EIF2S2: variants seen among roughly 807,000 people sequenced by gnomAD.
EIF2S2 encodes the protein eukaryotic translation initiation factor 2 subunit 2.
Under a neutral mutation model 44.0 loss-of-function variants are expected in EIF2S2, and 4 were observed. The ratio of observed to expected loss-of-function variants is 0.09; its 90% CI spans 0.04 to 0.21. The LOEUF (loss-of-function observed/expected upper bound fraction) is 0.21. EIF2S2 is among the 10% of genes least tolerant of loss of function. The probability of loss-of-function intolerance (pLI) is 1.00; values close to 1 mark genes in which losing one functional copy is unlikely to be tolerated. For missense variants in EIF2S2, 154 were observed against 392.0 expected, an observed-to-expected ratio of 0.39 and a Z score of 5.13; for synonymous variants, 108 against 128.3, an observed-to-expected ratio of 0.84 and a Z score of 1.07.
At chr20:34,093,758 C>A (rs1043304947) in intron 6 of EIF2S2, 27 bp from the exon 7 acceptor site, 1 of 1,565,344 alleles carries the variant, frequency 6.4e-7, no homozygotes, top group Non-Finnish European at 8.7e-7. Context: ...AATATATAAA[C>A]CTTATCTCTC....
intron 1 of EIF2S2, among the ~76,000 whole-genome samples, chr20:34,109,440 CTGTT>C (rs1478053036): frequency 1.3e-5 from 2 of 151,764 alleles, no homozygotes; most frequent in Admixed American, 6.6e-5. Context: ...GGCAGGAAGA[CTGTT>C]TGAGGCCAGG....
chr20:34,107,422 C>T (rs2034361888), intron 1 of EIF2S2, among the ~76,000 whole-genome samples: 1 of 152,152 alleles, frequency 6.6e-6, no homozygotes, highest in South Asian at 2.1e-4. Context: ...TGTTATTCCA[C>T]GGCTCATGTG....
chr20:34,107,283 T>G (rs1342513695), intron 1 of EIF2S2, among the ~76,000 whole-genome samples: 10 of 152,218 alleles, frequency 6.6e-5, no homozygotes. Flanking sequence ...CATATTCTAT[T>G]AATACCATGC....
chr20:34,102,697 G>A (rs568930734), intron 3 of EIF2S2, among the ~76,000 whole-genome samples: 62 of 152,276 alleles, frequency 4.1e-4, no homozygotes, highest in African/African-American at 1.3e-3. Flanking sequence ...GTGTGTGTGC[G>A]CGCTCTATGT....
chr20:34,107,171 C>T (rs2034359401), intron 1 of EIF2S2, among the ~76,000 whole-genome samples: 1 of 151,158 alleles, frequency 6.6e-6, no homozygotes, highest in African/African-American at 2.4e-5. Flanking sequence ...GAGCAAGACT[C>T]GGTCTCGAAA....
At chr20:34,097,832 T>C (rs2034248033) in intron 4 of EIF2S2, among the ~76,000 whole-genome samples, 1 of 152,216 alleles carries the variant, frequency 6.6e-6, no homozygotes, top group Admixed American at 6.5e-5. Context: ...TCCAACTGTT[T>C]TGAGCACTTA....
rs2034138767 is a variant in EIF2S2 at position 34,089,588 on chromosome 20, G to A, written c.*142C>T. On this transcript the variant is annotated 3_prime_UTR_variant, in exon 9 of 9. Coordinates refer to ENST00000374980, the MANE Select transcript of EIF2S2 (RefSeq NM_003908.5). ...TCAACAGCTTGAGCATCAGCGTCTTGCAAGGACTTCAGACCAACCACTCGC... is the reference window on the plus strand; with the variant it reads ...TCAACAGCTTGAGCATCAGCGTCTTACAAGGACTTCAGACCAACCACTCGC... 1 of 790,210 alleles carries A rather than the reference G, an allele frequency of 1.3e-6. No homozygotes were observed. 48.9% of individuals were successfully genotyped at this position (790,210 alleles called of 1,614,324 possible).
At position 34,112,201 on chromosome 20, in the gene EIF2S2, C is replaced by T; in HGVS notation, c.-91G>A. On this transcript the variant is annotated 5_prime_UTR_variant, in exon 1 of 9. Coordinates refer to ENST00000374980, the MANE Select transcript of EIF2S2 (RefSeq NM_003908.5). ...CAGCGCTGCCCCTGCCGATACCTCT[C>T]CCACCACCGCACTAGGCTCTTGCAT... The T allele has an allele frequency of 7.3e-7, 1 of 1,378,334 alleles. No individual in the cohort carries two copies. The highest frequency in any genetic ancestry group is 9.8e-7 in the Non-Finnish European group (1 of 1,023,824). 85.4% of individuals were successfully genotyped at this position (1,378,334 alleles called of 1,614,324 possible). A position where few individuals can be genotyped will look rare whatever the true frequency, so the allele number is the denominator to read the frequency against.
intron 3 of EIF2S2, among the ~76,000 whole-genome samples, chr20:34,102,473 C>T (rs1158924395): frequency 6.6e-6 from 1 of 152,200 alleles, no homozygotes; most frequent in African/African-American, 2.4e-5. Flanking sequence ...CCACACAATA[C>T]TTCAAAAGCT....
intron 1 of EIF2S2, among the ~76,000 whole-genome samples, chr20:34,111,180 A>G (rs1415039376): frequency 2.0e-5 from 3 of 152,104 alleles, no homozygotes; most frequent in Admixed American, 1.3e-4. Context: ...CAAACTGGAG[A>G]TTATTCTACT....
chr20:34,099,703 A>T (rs2034273758), intron 3 of EIF2S2, among the ~76,000 whole-genome samples: 1 of 152,214 alleles, frequency 6.6e-6, no homozygotes, highest in South Asian at 2.1e-4. Context: ...ACATGGCTAT[A>T]AACTCGGAAG....
At chr20:34,090,050 C>T (rs574699969) in intron 8 of EIF2S2, 145 bp from the exon 9 acceptor site, 38 of 826,220 alleles carry the variant, frequency 4.6e-5, no homozygotes, top group South Asian at 3.6e-4. Flanking sequence ...CGCAGCTATT[C>T]GAGGGGTAAG....
At chr20:34,108,929 T>C (rs899967323) in intron 1 of EIF2S2, among the ~76,000 whole-genome samples, 3 of 151,412 alleles carry the variant, frequency 2.0e-5, no homozygotes, top group Admixed American at 6.6e-5. Flanking sequence ...TGTGATAGGA[T>C]TGTGGGATTT....
chr20:34,111,548 G>A (rs1438779594), intron 1 of EIF2S2, among the ~76,000 whole-genome samples: 3 of 152,196 alleles, frequency 2.0e-5, no homozygotes, highest in African/African-American at 7.2e-5. Context: ...TCCTGAGGCT[G>A]CAGAATCTTT....
At chr20:34,110,275 A>C (rs577050823) in intron 1 of EIF2S2, among the ~76,000 whole-genome samples, 31 of 152,180 alleles carry the variant, frequency 2.0e-4, no homozygotes, top group Non-Finnish European at 4.3e-4. Context: ...AAGTCTGTAC[A>C]GTAGCCAGAT....
Position 34,093,693 on chromosome 20 carries a change from A to T in EIF2S2, c.722T>A (p.Leu241Ter). The change falls in exon 7 of 9, where the codon TTG (leucine) becomes TAG (stop). Residue 241 changes from leucine to a stop codon, truncating the protein, a stop_gained. Coordinates refer to ENST00000374980, the MANE Select transcript of EIF2S2 (RefSeq NM_003908.5). LOFTEE classifies it high-confidence loss of function. ...RQPKHLLAFL[L>*]AELGTSGSID... ...TTCTTACCTTGTACCCAATTCAGCC[A>T]ACAAAAATGCAAGGAGATGTTTGGG... is the stretch of plus-strand genomic sequence containing the variant. 1 of 1,609,356 alleles carries T rather than the reference A, an allele frequency of 6.2e-7. No individual in the cohort carries two copies. Among genetic ancestry groups the T allele is most frequent in the Non-Finnish European group, 8.5e-7 (1 of 1,177,206 alleles).
Position 34,093,710 on chromosome 20 carries a change from A to G in EIF2S2, c.705T>C (p.His235=). ...ATTCAGCCAACAAAAATGCAAGGAG[A>G]TGTTTGGGCTGACGATGTAATCTAA... The part of the protein sequence containing the change: ...ICKLLHRQPK[H]LLAFLLAELG... Residue 235 remains histidine, a synonymous_variant, in exon 7 of 9, where the codon CAT becomes CAC. Transcript: ENST00000374980. 6 of 1,608,806 alleles carry G rather than the reference A, an allele frequency of 3.7e-6. No homozygotes were observed. Among genetic ancestry groups the G allele is most frequent in the Non-Finnish European group, 5.1e-6 (6 of 1,176,852 alleles).
chr20:34,107,954 G>A lies in EIF2S2; in HGVS notation c.16-2409C>T, dbSNP rs140840187. Among the ~76,000 whole-genome samples the A allele has an allele frequency of 3.4e-3, 520 of 152,294 alleles. 3 individuals carry two copies. The highest frequency in any genetic ancestry group is 0.012 in the African/African-American group (500 of 41,572). On this transcript the variant is annotated intron_variant, in intron 1 of 8. Coordinates refer to ENST00000374980, the MANE Select transcript of EIF2S2 (RefSeq NM_003908.5). ...CCAAGATAGAAGAGCAAAGAGGAAA[G>A]AGTCCCCCACTGCAAGGAGTACTGC...
chr20:34,092,548 G>A (rs1204999491), intron 7 of EIF2S2, among the ~76,000 whole-genome samples: 1 of 152,114 alleles, frequency 6.6e-6, no homozygotes, highest in African/African-American at 2.4e-5. Context: ...GGCGCCTGTA[G>A]TCCCAGCTAC....
Sources: gnomAD v4.1 joint callset for allele counts (sites outside exome capture counted in the v4.1 genomes callset) on GRCh38, gnomAD v4.1.1 for gene constraint, MANE v1.5 for transcripts, NCBI Gene and HGNC (gene_info 2026-07-23, HGNC 2026-07-21) for gene names.